Variants in KLHL6 observed in about 807,000 individuals in gnomAD.
KLHL6 encodes kelch like family member 6.
KLHL6 carries 41 observed loss-of-function variants against 58.6 expected under a neutral mutation model. The observed-to-expected ratio is 0.70, with a 90% CI of 0.55 to 0.91. KLHL6 has a LOEUF of 0.91. KLHL6 is among the 40% of genes least tolerant of loss of function. The pLI, the probability that KLHL6 is intolerant of heterozygous loss-of-function variation, is 0.00. For missense variants in KLHL6, 714 were observed against 805.6 expected (o/e 0.89, Z 1.38); for synonymous variants, 338 against 322.7 (o/e 1.05, Z -0.51).
Position 183,555,563 on chromosome 3 carries a change from G to A in KLHL6, c.91C>T (p.Pro31Ser), listed in dbSNP as rs543180183. The A allele has an allele frequency of 6.2e-6, 10 of 1,614,086 alleles. No individual in the cohort carries two copies. The South Asian group carries it at 1.1e-4, about 18-fold the overall frequency. ...EGPLAPSTDE[P>S]SQKTGDLVEI... ...ACCAAGTCTCCTGTTTTCTGGGAGG[G>A]CTCATCTGTAGAAGGTGCCAGGGGC... Residue 31 changes from proline (P) to serine (S), a missense_variant, in exon 1 of 7, where the codon CCC becomes TCC. Around this residue, in one of 2 missense-constraint regions of KLHL6, gnomAD observed 204 missense variants for 175.9 expected, o/e 1.16. Coordinates refer to ENST00000341319, the MANE Select transcript of KLHL6 (RefSeq NM_130446.4).
Position 183,490,484 on chromosome 3 carries a change from G to T in KLHL6, c.*1443C>A, listed in dbSNP as rs893679847. 6.6e-6 allele frequency: 1 copy of T among 151,350 alleles called. No homozygotes were observed. Among genetic ancestry groups the T allele is most frequent in the Non-Finnish European group, 1.5e-5 (1 of 67,972 alleles). 9.4% of individuals were successfully genotyped at this position (151,350 alleles called of 1,614,324 possible). Reference sequence around the variant, plus strand: ...AATTCTGTCTGGCAATGACAGTTCCGGTCCAAAATGGGCCATCTTATGATC... The same window carrying T: ...AATTCTGTCTGGCAATGACAGTTCCTGTCCAAAATGGGCCATCTTATGATC... On this transcript the variant is annotated 3_prime_UTR_variant, in exon 7 of 7. Coordinates refer to ENST00000341319, the MANE Select transcript of KLHL6 (RefSeq NM_130446.4).
chr3:183,546,834 G>A lies in KLHL6; in HGVS notation c.293+8527C>T, dbSNP rs966913685. 4.3e-4 allele frequency among the ~76,000 whole-genome samples: 65 copies of A among 151,952 alleles called. 2 individuals are homozygous for A. The highest frequency in any genetic ancestry group is 2.9e-4 in the Non-Finnish European group (20 of 68,010). ...TTGTAGACATCGGCGTTGAGCCTCA[G>A]AGGAGCCAAGCAATTCCTCCAAGAT... On this transcript the variant is annotated intron_variant, in intron 1 of 6. Transcript: ENST00000341319.
chr3:183,534,029 C>T (rs1577197775), intron 1 of KLHL6, among the ~76,000 whole-genome samples: 2 of 57,974 alleles, frequency 3.4e-5, no homozygotes, highest in South Asian at 1.2e-3. Context: ...CACAAACCCT[C>T]TTGACCAGCA....
At chr3:183,534,250 G>A (rs1712286152) in intron 1 of KLHL6, among the ~76,000 whole-genome samples, 1 of 147,442 alleles carries the variant, frequency 6.8e-6, no homozygotes, top group Admixed American at 6.8e-5. Flanking sequence ...GACAGCCTAT[G>A]ATTTCTTCTC....
Position 183,492,453 on chromosome 3 carries a change from A to G in KLHL6, c.1564+41T>C, listed in dbSNP as rs371586632. ...TACGTGCTGCAGCCAGGCGCTCATC[A>G]GGTTCTAAGCCATTCAGACCAATAA... On this transcript the variant is annotated intron_variant, in intron 6 of 6. Coordinates refer to ENST00000341319, the MANE Select transcript of KLHL6 (RefSeq NM_130446.4). This position sits in a 1 kb window ranked among gnomAD's most constrained non-coding sequence, Gnocchi z 5.9. 4.4e-6 allele frequency: 7 copies of G among 1,602,848 alleles called. No individual in the cohort carries two copies. Among genetic ancestry groups the G allele is most frequent in the Non-Finnish European group, 5.1e-6 (6 of 1,169,994 alleles).
Position 183,491,864 on chromosome 3 carries a change from A to C in KLHL6, c.*63T>G, listed in dbSNP as rs190307614. On this transcript the variant is annotated 3_prime_UTR_variant, in exon 7 of 7. Transcript: ENST00000341319. ...CTGCTGCCTGAAGTGGGACTGGAGG[A>C]GGGTGAGAGGTGAGGCGGGTACGCT... 1 of 1,368,012 alleles carries C rather than the reference A, an allele frequency of 7.3e-7. No individual in the cohort carries two copies. The highest frequency in any genetic ancestry group is 1.7e-5 in the South Asian group (1 of 58,742). The allele number at this position is 1,368,012 out of a possible 1,614,324, so 84.7% of individuals were successfully genotyped here. A position where few individuals can be genotyped will look rare whatever the true frequency, so the allele number is the denominator to read the frequency against.
At chr3:183,507,362 A>G (rs987956173) in intron 3 of KLHL6, among the ~76,000 whole-genome samples, 1 of 152,206 alleles carries the variant, frequency 6.6e-6, no homozygotes, top group Non-Finnish European at 1.5e-5. Flanking sequence ...GTGGGCAAGG[A>G]AGAGCAGCAC....
In KLHL6 at chr3:183,527,834, T is replaced by A; in HGVS notation, c.459+11A>T. 6.2e-7 allele frequency: 1 copy of A among 1,613,608 alleles called. No homozygotes were observed. The highest frequency in any genetic ancestry group is 8.5e-7 in the Non-Finnish European group (1 of 1,179,688). ...TTCAGAGAAGAGCACTGAGCCAGTT[T>A]GTTCACACACCTGGAAGAGGTTAGC... On this transcript the variant is annotated intron_variant, in intron 2 of 6. Coordinates refer to ENST00000341319, the MANE Select transcript of KLHL6 (RefSeq NM_130446.4).
intron 1 of KLHL6, among the ~76,000 whole-genome samples, chr3:183,533,667 A>T (rs1712231819): frequency 1.3e-5 from 2 of 152,160 alleles, no homozygotes; most frequent in Non-Finnish European, 2.9e-5. Context: ...ACTTCCAGAG[A>T]GAGAACGAGA....
In KLHL6 at chr3:183,490,005, TG is replaced by T. The variant is rs371580713; in HGVS notation, c.*1921del. 5.5e-4 allele frequency: 84 copies of T among 152,300 alleles called. No individual in the cohort carries two copies. Among genetic ancestry groups the T allele is most frequent in the African/African-American group, 2.0e-3 (83 of 41,550 alleles). The allele number at this position is 152,300 out of a possible 1,614,324, so 9.4% of individuals were successfully genotyped here. Reference sequence around the variant, plus strand: ...ATCATATGATGAAAATAAAGTCCATTGGGTAACGCAGTTACTATGTTGTTAT... The same window carrying T: ...ATCATATGATGAAAATAAAGTCCATTGGTAACGCAGTTACTATGTTGTTAT... On this transcript the variant is annotated 3_prime_UTR_variant, in exon 7 of 7. Transcript: ENST00000341319.
intron 1 of KLHL6, among the ~76,000 whole-genome samples, chr3:183,555,027 T>G (rs1713058284): frequency 6.6e-6 from 1 of 151,992 alleles, no homozygotes; most frequent in African/African-American, 2.4e-5. Flanking sequence ...ATCCGGGTGT[T>G]GTGGTGCATG....
chr3:183,527,775 G>T, intron 2 of KLHL6, 70 bp downstream of exon 2: 1 of 1,440,192 alleles, frequency 6.9e-7, no homozygotes, highest in South Asian at 1.2e-5. Flanking sequence ...GCTAGACCAG[G>T]TCTGGCCTCT....
chr3:183,533,270 T>TTTCCTTCCTTCCTTCC (rs376539158), intron 1 of KLHL6, among the ~76,000 whole-genome samples: 2 of 150,286 alleles, frequency 1.3e-5, no homozygotes, highest in African/African-American at 5.0e-5. Flanking sequence ...TCCTTCCTTC[T>TTTCCTTCCTTCCTTCC]TTCCTTCCTT....
Position 183,492,118 on chromosome 3 carries a change from G to C in KLHL6, c.1675C>G (p.Arg559Gly), listed in dbSNP as rs763201287. 3 of 1,613,838 alleles carry C rather than the reference G, an allele frequency of 1.9e-6. No homozygotes were observed. Among genetic ancestry groups the C allele is most frequent in the Non-Finnish European group, 2.5e-6 (3 of 1,180,026 alleles). The change falls in exon 7 of 7, where the codon CGG (arginine) becomes GGG (glycine). Residue 559 changes from arginine (R) to glycine (G), a missense_variant. Arg to Gly is a moderately radical substitution (Grantham distance 125). This residue lies in a region of KLHL6 where 510 missense variants were observed against 629.7 expected (regional missense o/e 0.81). Coordinates refer to ENST00000341319, the MANE Select transcript of KLHL6 (RefSeq NM_130446.4). This position sits in a 1 kb window ranked among gnomAD's most constrained non-coding sequence, Gnocchi z 5.9. Reference sequence around the variant, plus strand: ...TCCCGCCCGCCGGTGATGTAGAGCCGGTTGTTGCAGGGCGCGATACCGCAG... The same window carrying C: ...TCCCGCCCGCCGGTGATGTAGAGCCCGTTGTTGCAGGGCGCGATACCGCAG... ...ASCGIAPCNN[R>G]LYITGGRDEK...
At chr3:183,549,979 C>T (rs1195131742) in intron 1 of KLHL6, among the ~76,000 whole-genome samples, 1 of 151,598 alleles carries the variant, frequency 6.6e-6, no homozygotes, top group Admixed American at 6.6e-5. Context: ...ACAGTGAAAA[C>T]AAACAGTAAA....
chr3:183,546,348 G>A (rs1162491917), intron 1 of KLHL6, among the ~76,000 whole-genome samples: 1 of 152,226 alleles, frequency 6.6e-6, no homozygotes, highest in Non-Finnish European at 1.5e-5. Context: ...GGAAGCCGTT[G>A]ATATCAACAA....
intron 1 of KLHL6, among the ~76,000 whole-genome samples, chr3:183,534,078 A>AAAAATACTTTACTTTT (rs1712251789): frequency 7.3e-6 from 1 of 136,382 alleles, no homozygotes; most frequent in Non-Finnish European, 1.6e-5. Context: ...ACCAGCCTTT[A>AAAAATACTTTACTTTT]AAAGTACTTT....
At chr3:183,518,637 A>G (rs1339366635) in intron 2 of KLHL6, among the ~76,000 whole-genome samples, 1 of 152,212 alleles carries the variant, frequency 6.6e-6, no homozygotes, top group Non-Finnish European at 1.5e-5. Flanking sequence ...AGAGCAGGCA[A>G]AAGAAGATAA....
At chr3:183,515,296 C>G (rs1711525057) in intron 2 of KLHL6, among the ~76,000 whole-genome samples, 2 of 152,120 alleles carry the variant, frequency 1.3e-5, no homozygotes, top group African/African-American at 4.8e-5. Context: ...GCTTATAATC[C>G]CAGCACTTTG....
Sources: allele counts gnomAD v4.1 joint callset (sites outside exome capture counted in the v4.1 genomes callset), GRCh38; gene constraint gnomAD v4.1.1; regional missense constraint gnomAD v4.1.1; non-coding constraint Gnocchi (gnomAD v3.1); transcripts MANE v1.5; gene names NCBI Gene and HGNC (gene_info 2026-07-23, HGNC 2026-07-21).